Variants in SLC22A23 observed in about 807,000 individuals in gnomAD.
SLC22A23 encodes the protein solute carrier family 22 member 23, also known as ion transporter protein.
A neutral mutation model predicts 61.0 loss-of-function variants in SLC22A23; 26 were observed. The ratio of observed to expected loss-of-function variants is 0.43; its 90% CI spans 0.31 to 0.59. SLC22A23 has a LOEUF of 0.59. Among genes scored for constraint, SLC22A23 ranks in the 20% least tolerant of loss-of-function variants. The probability of loss-of-function intolerance (pLI) is 0.11; values close to 1 mark genes in which losing one functional copy is unlikely to be tolerated. For synonymous variants in SLC22A23, 430 were observed against 413.9 expected (o/e 1.04, Z -0.47); for missense variants, 796 against 934.7 (o/e 0.85, Z 1.94).
intron 1 of SLC22A23, among the ~76,000 whole-genome samples, chr6:3,439,762 T>C (rs1287574913): frequency 1.3e-5 from 2 of 151,942 alleles, no homozygotes; most frequent in Non-Finnish European, 2.9e-5. Context: ...TGAGGATATA[T>C]ATTCAGGCCA....
chr6:3,382,249 G>C (rs1202696315), intron 3 of SLC22A23, among the ~76,000 whole-genome samples: 1 of 152,228 alleles, frequency 6.6e-6, no homozygotes, highest in Non-Finnish European at 1.5e-5. Context: ...AATCAGGGAA[G>C]AAAGTGTCAG....
At chr6:3,314,747 CT>C (rs1257683210) in intron 4 of SLC22A23, among the ~76,000 whole-genome samples, 4 of 151,948 alleles carry the variant, frequency 2.6e-5, no homozygotes, top group Admixed American at 2.6e-4. Context: ...AATAAAACTC[CT>C]TGTAGCATGT....
intron 4 of SLC22A23, among the ~76,000 whole-genome samples, chr6:3,298,516 C>T (rs1327764296): frequency 6.6e-6 from 1 of 151,842 alleles, no homozygotes; most frequent in Non-Finnish European, 1.5e-5. Flanking sequence ...ACAGAGGATA[C>T]TAGAGGCTGG....
intron 3 of SLC22A23, among the ~76,000 whole-genome samples, chr6:3,371,573 T>C (rs1268534631): frequency 2.0e-5 from 3 of 152,168 alleles, no homozygotes; most frequent in Non-Finnish European, 4.4e-5. Flanking sequence ...ACCAGCTCTA[T>C]GGGTGGAGGG....
At position 3,435,124 on chromosome 6, in the gene SLC22A23, T is replaced by G. The variant is rs138393151; in HGVS notation, c.655-19269A>C. On this transcript the variant is annotated intron_variant, in intron 1 of 9. Transcript: ENST00000406686. The stretch of plus-strand genomic sequence containing the variant: ...ACCCAGAGGGGCAGTGTGCAGGGGC[T>G]GGGATTCAGGCTGCTGGGGTCCAAA... 2.5e-3 allele frequency among the ~76,000 whole-genome samples: 377 copies of G among 152,192 alleles called. 1 individual carries two copies. The highest frequency in any genetic ancestry group is 8.5e-3 in the African/African-American group (354 of 41,528).
chr6:3,307,034 A>G (rs767760652), intron 4 of SLC22A23, among the ~76,000 whole-genome samples: 2 of 152,238 alleles, frequency 1.3e-5, no homozygotes, highest in Non-Finnish European at 2.9e-5. Context: ...TTCCTCCTCT[A>G]GGGTAAGTAG....
chr6:3,430,278 T>G (rs1042134127), intron 1 of SLC22A23, among the ~76,000 whole-genome samples: 1 of 152,132 alleles, frequency 6.6e-6, no homozygotes, highest in African/African-American at 2.4e-5. Flanking sequence ...GAGACGTCCT[T>G]TCTCCCCAAG....
chr6:3,320,884 C>T (rs571872414), intron 4 of SLC22A23, among the ~76,000 whole-genome samples: 4 of 152,298 alleles, frequency 2.6e-5, no homozygotes, highest in Non-Finnish European at 5.9e-5. Flanking sequence ...CAGACATGTA[C>T]TAAGCACCTT....
intron 3 of SLC22A23, among the ~76,000 whole-genome samples, chr6:3,400,125 G>A (rs1261960789): frequency 3.3e-5 from 5 of 152,272 alleles, no homozygotes; most frequent in East Asian, 1.9e-4. Context: ...TGATCCACCC[G>A]CCTCGGCCTC....
At chr6:3,335,524 A>G (rs1368235962) in intron 3 of SLC22A23, among the ~76,000 whole-genome samples, 1 of 152,124 alleles carries the variant, frequency 6.6e-6, no homozygotes, top group Non-Finnish European at 1.5e-5. Context: ...CTCTCGCCCC[A>G]TGTATCAGGT....
Position 3,390,068 on chromosome 6 carries a change from T to C in SLC22A23, c.913+20120A>G, listed in dbSNP as rs1767568197. 6.6e-6 allele frequency among the ~76,000 whole-genome samples: 1 copy of C among 152,212 alleles called. No individual in the cohort carries two copies. The highest frequency in any genetic ancestry group is 1.5e-5 in the Non-Finnish European group (1 of 68,044). On this transcript the variant is annotated intron_variant, in intron 3 of 9. Coordinates refer to ENST00000406686, the MANE Select transcript of SLC22A23 (RefSeq NM_015482.2). This position sits in a 1 kb window ranked among gnomAD's most constrained non-coding sequence, Gnocchi z 4.0. ...TGGGATGAAATGAACAGAGTTCTCCTGGCACGGCATCACTGGGCCAGTTGC... is the reference window on the plus strand; with the variant it reads ...TGGGATGAAATGAACAGAGTTCTCCCGGCACGGCATCACTGGGCCAGTTGC...
chr6:3,281,729 G>A (rs2127301873), intron 9 of SLC22A23, among the ~76,000 whole-genome samples: 1 of 152,242 alleles, frequency 6.6e-6, no homozygotes, highest in South Asian at 2.1e-4. Context: ...TTGCAAGAAA[G>A]AGCTGTGGCC....
chr6:3,323,664 CAG>C (rs1763098842), intron 4 of SLC22A23, 168 bp downstream of exon 4: 4 of 776,430 alleles, frequency 5.2e-6, no homozygotes, highest in East Asian at 2.7e-5. Context: ...TTTTCCAAGA[CAG>C]AAAGTTTAAA....
intron 9 of SLC22A23, among the ~76,000 whole-genome samples, chr6:3,277,216 C>T (rs556509092): frequency 1.3e-5 from 2 of 152,108 alleles, no homozygotes; most frequent in South Asian, 2.1e-4. Flanking sequence ...CTCCCATGGG[C>T]CTAAAGCCTC....
intron 3 of SLC22A23, among the ~76,000 whole-genome samples, chr6:3,408,037 G>C (rs1265805128): frequency 6.6e-6 from 1 of 152,204 alleles, no homozygotes; most frequent in African/African-American, 2.4e-5. Context: ...TGTAAATAAA[G>C]TTTTATTAGA....
intron 3 of SLC22A23, among the ~76,000 whole-genome samples, chr6:3,377,069 A>G (rs1275585738): frequency 6.6e-6 from 1 of 152,138 alleles, no homozygotes; most frequent in Non-Finnish European, 1.5e-5. Flanking sequence ...GAGGTTGGCA[A>G]ACTGCAGCCT....
chr6:3,289,266 G>T (rs1358526988), intron 6 of SLC22A23, among the ~76,000 whole-genome samples: 1 of 152,262 alleles, frequency 6.6e-6, no homozygotes, highest in Non-Finnish European at 1.5e-5. Context: ...ACCTGGGCCG[G>T]TGAGGGCCCT....
intron 3 of SLC22A23, among the ~76,000 whole-genome samples, chr6:3,338,556 C>T (rs529557872): frequency 2.0e-5 from 3 of 152,360 alleles, no homozygotes; most frequent in South Asian, 2.1e-4. Flanking sequence ...AACTCCTGCC[C>T]GCCTTGGCCT....
chr6:3,407,124 AAAG>A (rs1198067820), intron 3 of SLC22A23, among the ~76,000 whole-genome samples: 2 of 152,354 alleles, frequency 1.3e-5, no homozygotes, highest in African/African-American at 4.8e-5. Context: ...TGGAGGAAGA[AAAG>A]AAGTTGGGGC....
Sources: gnomAD v4.1 joint callset for allele counts (sites outside exome capture counted in the v4.1 genomes callset) on GRCh38, gnomAD v4.1.1 for gene constraint, Gnocchi (gnomAD v3.1) non-coding constraint, MANE v1.5 for transcripts, NCBI Gene and HGNC (gene_info 2026-07-23, HGNC 2026-07-21) for gene names.